The following SCN11A variants were observed in gnomAD, a reference collection of about 807,000 sequenced individuals.
The protein encoded by SCN11A is sodium channel protein type 11 subunit alpha.
SCN11A carries 122 observed loss-of-function variants against 162.2 expected under a neutral mutation model. The ratio of observed to expected loss-of-function variants is 0.75; its 90% CI spans 0.65 to 0.87. The LOEUF (loss-of-function observed/expected upper bound fraction) is 0.87. Among genes scored for constraint, SCN11A ranks in the 40% least tolerant of loss-of-function variants. SCN11A has a pLI of 0.00. For synonymous variants in SCN11A, 758 were observed against 751.5 expected (o/e 1.01, Z -0.14); for missense variants, 2,015 against 2,181.6 (o/e 0.92, Z 1.52).
Position 38,850,691 on chromosome 3 carries a change from T to C in SCN11A, c.4117A>G (p.Ile1373Val), listed in dbSNP as rs199558321. 13 of 1,613,382 alleles carry C rather than the reference T, an allele frequency of 8.1e-6. No homozygotes were observed. Among genetic ancestry groups the C allele is most frequent in the Admixed American group, 5.0e-5 (3 of 60,006 alleles). The stretch of plus-strand genomic sequence containing the variant: ...ATCATGTTTAGGATAATGAGACTTA[T>C]GATGATGATGTCAAAGATCTGGCTT... ...VTSQIFDIII[I>V]SLIILNMISM... Residue 1373 changes from isoleucine (I) to valine (V), a missense_variant, in exon 29 of 30, where the codon ATA (isoleucine) becomes GTA (valine). Coordinates refer to ENST00000302328, the MANE Select transcript of SCN11A (RefSeq NM_001349253.2).
At chr3:38,877,067 A>G (rs1346565216) in intron 23 of SCN11A, among the ~76,000 whole-genome samples, 2 of 134,292 alleles carry the variant, frequency 1.5e-5, no homozygotes, top group African/African-American at 5.7e-5. Context: ...TATATGGTAT[A>G]TATATGGTGT....
chr3:38,961,305 T>G (rs2066738942), intron 2 of SCN11A, among the ~76,000 whole-genome samples: 1 of 152,254 alleles, frequency 6.6e-6, no homozygotes, highest in South Asian at 2.1e-4. Flanking sequence ...ATCTTTTTAC[T>G]GTTAAGAAGC....
intron 11 of SCN11A, among the ~76,000 whole-genome samples, chr3:38,910,539 A>G (rs1394440509): frequency 6.6e-6 from 1 of 152,186 alleles, no homozygotes; most frequent in East Asian, 1.9e-4. Flanking sequence ...GTTAACAGTT[A>G]CTTTTGTAAA....
intron 7 of SCN11A, among the ~76,000 whole-genome samples, chr3:38,942,366 C>A (rs2066455386): frequency 6.6e-6 from 1 of 152,004 alleles, no homozygotes; most frequent in Non-Finnish European, 1.5e-5. Flanking sequence ...CTTAACTGAC[C>A]TTTTAAGGAG....
chr3:38,903,813 T>C (rs1319332980), intron 16 of SCN11A, 52 bp downstream of exon 16: 7 of 1,345,998 alleles, frequency 5.2e-6, no homozygotes, highest in Non-Finnish European at 5.1e-6. Flanking sequence ...TTGAAAAAGT[T>C]ATACTTTAAA....
intron 8 of SCN11A, among the ~76,000 whole-genome samples, chr3:38,926,229 G>A (rs6782627): frequency 0.99 from 151,516 of 152,306 alleles, 75,369 homozygotes; most frequent in Middle Eastern, 1. Context: ...CACCATACAT[G>A]ATAATTAACT....
intron 2 of SCN11A, among the ~76,000 whole-genome samples, chr3:38,966,164 A>G (rs1033797993): frequency 2.6e-5 from 4 of 152,120 alleles, no homozygotes; most frequent in African/African-American, 9.7e-5. Context: ...GTTTGGCCCA[A>G]CCCAAAAATT....
chr3:39,020,987 T>C (rs2031436387), intron 2 of SCN11A, among the ~76,000 whole-genome samples: 2 of 151,524 alleles, frequency 1.3e-5, no homozygotes, highest in Admixed American at 6.6e-5. Flanking sequence ...ACTATTGCAA[T>C]AGTGAGAGAA....
chr3:38,957,061 T>G (rs6599273), intron 3 of SCN11A, among the ~76,000 whole-genome samples: 71,294 of 152,022 alleles, frequency 0.47, 19,526 homozygotes, highest in African/African-American at 0.78. Flanking sequence ...ACTCAAACTG[T>G]ATAAATCAAG....
rs1489807250 is a variant in SCN11A, at chr3:38,960,308, G to C, written c.-164C>G. On this transcript the variant is annotated 5_prime_UTR_variant, in exon 3 of 30. Coordinates refer to ENST00000302328, the MANE Select transcript of SCN11A (RefSeq NM_001349253.2). ...CTGACTTCTTGGTAAGGTGGCTCCA[G>C]ACAGCAATCCCAGCGATACTTCTTG... 1.3e-5 allele frequency among the ~76,000 whole-genome samples: 2 copies of C among 152,176 alleles called. No individual in the cohort carries two copies. The highest frequency in any genetic ancestry group is 4.8e-5 in the African/African-American group (2 of 41,454).
At position 38,870,768 on chromosome 3, in the gene SCN11A, G is replaced by T. The variant is rs773989520; in HGVS notation, c.3760-24C>A. The T allele has an allele frequency of 3.7e-6, 6 of 1,605,050 alleles. No individual in the cohort carries two copies. The South Asian group carries it at 6.6e-5, about 18-fold the overall frequency. ...GCCTGCAACAAAAGCAGAAAAACAT[G>T]AATAATACAAATGTAGACTTGCCAT... On this transcript the variant is annotated intron_variant, in intron 25 of 29. Coordinates refer to ENST00000302328, the MANE Select transcript of SCN11A (RefSeq NM_001349253.2).
At chr3:38,936,580 G>C (rs199969256) in intron 7 of SCN11A, among the ~76,000 whole-genome samples, 67,608 of 147,640 alleles carry the variant, frequency 0.46, 17,999 homozygotes, top group African/African-American at 0.77. Context: ...ACCAACAACA[G>C]ACAAACAGAG....
intron 2 of SCN11A, among the ~76,000 whole-genome samples, chr3:38,972,632 A>C (rs966814874): frequency 2.0e-5 from 3 of 152,136 alleles, no homozygotes; most frequent in African/African-American, 7.2e-5. Context: ...ACACGCACAC[A>C]CTGAGACACA....
At chr3:39,040,427 T>C (rs921594996) in intron 1 of SCN11A, among the ~76,000 whole-genome samples, 1 of 152,160 alleles carries the variant, frequency 6.6e-6, no homozygotes, top group Non-Finnish European at 1.5e-5. Context: ...AGGTGACTAT[T>C]TTACCAGATG....
chr3:38,907,690 T>C (rs1444833935), intron 14 of SCN11A, among the ~76,000 whole-genome samples: 1 of 152,154 alleles, frequency 6.6e-6, no homozygotes, highest in Non-Finnish European at 1.5e-5. Flanking sequence ...TCATTAGCCG[T>C]ACACTCTGTG....
intron 11 of SCN11A, among the ~76,000 whole-genome samples, chr3:38,918,661 C>T (rs2065998590): frequency 6.6e-6 from 1 of 152,156 alleles, no homozygotes; most frequent in Non-Finnish European, 1.5e-5. Context: ...CTAGAATGAT[C>T]CTCAACAATA....
intron 2 of SCN11A, among the ~76,000 whole-genome samples, chr3:38,992,121 A>G (rs777241956): frequency 2.6e-5 from 4 of 152,200 alleles, no homozygotes; most frequent in Non-Finnish European, 5.9e-5. Context: ...TCTGTTCTTT[A>G]GATTGCAAAT....
chr3:38,924,379 T>C (rs2066103290), intron 9 of SCN11A, among the ~76,000 whole-genome samples: 1 of 127,808 alleles, frequency 7.8e-6, no homozygotes. Flanking sequence ...ATCTAACTAA[T>C]TTTTTTTTTT....
intron 2 of SCN11A, among the ~76,000 whole-genome samples, chr3:39,030,943 T>C (rs563243034): frequency 6.6e-6 from 1 of 152,226 alleles, no homozygotes; most frequent in Non-Finnish European, 1.5e-5. Context: ...GAAGTCTGAC[T>C]TGTCATATTC....
Sources: allele counts gnomAD v4.1 joint callset (sites outside exome capture counted in the v4.1 genomes callset), GRCh38; gene constraint gnomAD v4.1.1; transcripts MANE v1.5; gene names NCBI Gene and HGNC (gene_info 2026-07-23, HGNC 2026-07-21).